The following ZNF324B variants were observed in gnomAD, a reference collection of about 807,000 sequenced individuals.
The protein encoded by ZNF324B is zinc finger protein 324B.
ZNF324B carries 7 observed loss-of-function variants against 10.6 expected under a neutral mutation model. The observed-to-expected ratio is 0.66, with a 90% confidence interval of 0.38 to 1.24. ZNF324B has a LOEUF of 1.24. Among genes scored for constraint, ZNF324B ranks in the 50% most tolerant of loss-of-function variants. ZNF324B has a pLI of 0.02. For missense variants in ZNF324B, 640 were observed against 764.7 expected, an observed-to-expected ratio of 0.84 and a Z score of 1.92; for synonymous variants, 316 against 321.0, an observed-to-expected ratio of 0.98 and a Z score of 0.17.
At chr19:58,423,058 A>G in the ZNF324B span, among the ~76,000 whole-genome samples, 1 of 152,072 alleles carries the variant, frequency 6.6e-6, no homozygotes, top group African/African-American at 2.4e-5. Context: ...TTTAGTAGAG[A>G]CAGGGTTTCA....
chr19:58,440,409 G>T, the ZNF324B span: 5 of 154,374 alleles, frequency 3.2e-5, no homozygotes, highest in African/African-American at 1.2e-4. Flanking sequence ...GGCACTTCCG[G>T]GCGGAGTGTA....
the ZNF324B span, among the ~76,000 whole-genome samples, chr19:58,436,680 A>G: frequency 9.6e-6 from 1 of 104,634 alleles, no homozygotes; most frequent in African/African-American, 3.0e-5. Context: ...AAAAAAAAAA[A>G]AAAAAAAAAA....
At chr19:58,446,663 G>A (rs536041807), upstream of ZNF324B, among the ~76,000 whole-genome samples, 11 of 133,244 alleles carry the variant, frequency 8.3e-5, no homozygotes, top group Middle Eastern at 4.6e-3. Context: ...TGCAACCTCC[G>A]CCTCCCGGGT....
chr19:58,422,398 G>A, the ZNF324B span, among the ~76,000 whole-genome samples: 1 of 152,118 alleles, frequency 6.6e-6, no homozygotes. Flanking sequence ...ATTCAACATA[G>A]TACTAGATGT....
chr19:58,435,328 G>A, the ZNF324B span: 9 of 1,120,836 alleles, frequency 8.0e-6, no homozygotes, highest in Non-Finnish European at 1.0e-5. Flanking sequence ...ATTGCTGACA[G>A]GCCAACAGGG....
the ZNF324B span, chr19:58,437,713 G>A: frequency 1.0e-6 from 1 of 985,116 alleles, no homozygotes; most frequent in African/African-American, 1.7e-5. Context: ...ATCTCACCAT[G>A]CACATGGCAT....
Position 58,456,540 on chromosome 19 carries a change from AGG to A in ZNF324B, c.1598_1599del (p.Gly533GlufsTer26). The A allele has an allele frequency of 1.2e-6, 2 of 1,614,004 alleles. No individual in the cohort carries two copies. The highest frequency in any genetic ancestry group is 1.7e-6 in the Non-Finnish European group (2 of 1,179,976). ...QGHHRKVRRG[G>X]KPSPVLKPAK... ...GACATCATCGGAAGGTGCGCCGGGGAGGGAAGCCAAGCCCAGTCCTGAAGCCA... is the reference window on the plus strand; with the variant it reads ...GACATCATCGGAAGGTGCGCCGGGGAGAAGCCAAGCCCAGTCCTGAAGCCA... On this transcript the variant is annotated frameshift_variant, in exon 4 of 4. Coordinates refer to ENST00000336614, the MANE Select transcript of ZNF324B (RefSeq NM_207395.3). LOFTEE classifies it low-confidence loss of function (END_TRUNC). The surrounding 1 kb of genome is among the most constrained non-coding windows in gnomAD (Gnocchi z 4.7).
the ZNF324B span, among the ~76,000 whole-genome samples, chr19:58,446,246 A>G: frequency 2.3e-4 from 35 of 152,242 alleles, no homozygotes; most frequent in African/African-American, 8.4e-4. Flanking sequence ...ATGGCCCTGC[A>G]TGTGGAGAAG....
the ZNF324B span, among the ~76,000 whole-genome samples, chr19:58,422,938 G>C: frequency 0.49 from 74,251 of 150,726 alleles, 18,471 homozygotes; most frequent in African/African-American, 0.57. Context: ...GGCACGATCT[G>C]GGCTCACTAC....
At chr19:58,437,211 G>A in the ZNF324B span, 1 of 1,589,750 alleles carries the variant, frequency 6.3e-7, no homozygotes, top group Non-Finnish European at 8.6e-7. Flanking sequence ...GGGCCAAGAA[G>A]TATGCTGACA....
chr19:58,456,080 G>A lies in ZNF324B; in HGVS notation c.1136G>A (p.Cys379Tyr). The A allele has an allele frequency of 6.2e-7, 1 of 1,612,080 alleles. No homozygotes were observed. Among genetic ancestry groups the A allele is most frequent in the Non-Finnish European group, 8.5e-7 (1 of 1,179,904 alleles). ...TGCGCACAGTGTGGCCGCCGCTTCT[G>A]CCGCAACTCGCACCTGATCCAGCAC... is the stretch of plus-strand genomic sequence containing the variant. ...YACAQCGRRF[C>Y]RNSHLIQHER... The change falls in exon 4 of 4, where the codon TGC becomes TAC. Residue 379 changes from cysteine to tyrosine, a missense_variant. Coordinates refer to ENST00000336614, the MANE Select transcript of ZNF324B (RefSeq NM_207395.3). This position sits in a 1 kb window ranked among gnomAD's most constrained non-coding sequence, Gnocchi z 4.7.
the ZNF324B span, chr19:58,428,566 TTC>T: frequency 6.6e-6 from 1 of 152,214 alleles, no homozygotes; most frequent in African/African-American, 2.4e-5. Context: ...AGACCATGAT[TTC>T]TGTCTTCTCT....
rs758507807 is a variant in ZNF324B at position 58,456,569 on chromosome 19, C to G, written c.1625C>G (p.Ala542Gly). 14 of 1,613,318 alleles carry G rather than the reference C, an allele frequency of 8.7e-6. No individual in the cohort carries two copies. Among genetic ancestry groups the G allele is most frequent in the Non-Finnish European group, 9.3e-6 (11 of 1,179,590 alleles). ...GGKPSPVLKP[A>G]KV ...AAGCCAAGCCCAGTCCTGAAGCCAG[C>G]GAAGGTCTGAGGTCACAGGTCGCAG... The change falls in exon 4 of 4, where the codon GCG (alanine) becomes GGG (glycine). Residue 542 changes from alanine (A) to glycine (G), a missense_variant. Around this residue, in one of 3 missense-constraint regions of ZNF324B, gnomAD observed 238 missense variants for 258.0 expected, o/e 0.92. Coordinates refer to ENST00000336614, the MANE Select transcript of ZNF324B (RefSeq NM_207395.3). This position sits in a 1 kb window ranked among gnomAD's most constrained non-coding sequence, Gnocchi z 4.7.
At chr19:58,437,435 G>A in the ZNF324B span, among the ~76,000 whole-genome samples, 2 of 152,152 alleles carry the variant, frequency 1.3e-5, no homozygotes, top group Non-Finnish European at 2.9e-5. Flanking sequence ...ACTGGTCACT[G>A]TATCCAGGCC....
At chr19:58,422,306 A>T in the ZNF324B span, among the ~76,000 whole-genome samples, 1 of 152,214 alleles carries the variant, frequency 6.6e-6, no homozygotes, top group Non-Finnish European at 1.5e-5. Flanking sequence ...CCCACAGCTA[A>T]CATCTTACTG....
At chr19:58,434,901 C>T in the ZNF324B span, 1 of 1,614,172 alleles carries the variant, frequency 6.2e-7, no homozygotes, top group Non-Finnish European at 8.5e-7. Context: ...CTTTAGAGCT[C>T]TTCATAAGTG....
chr19:58,425,341 A>C, the ZNF324B span, among the ~76,000 whole-genome samples: 6 of 151,162 alleles, frequency 4.0e-5, no homozygotes, highest in African/African-American at 4.9e-5. Context: ...GCCTTGGCCT[A>C]CCAAAGTGCT....
the ZNF324B span, chr19:58,433,915 G>C: frequency 2.2e-5 from 36 of 1,614,052 alleles, no homozygotes; most frequent in Non-Finnish European, 3.0e-5. Flanking sequence ...CCTTTGCCCA[G>C]TATGTACTTT....
the ZNF324B span, among the ~76,000 whole-genome samples, chr19:58,422,185 G>A: frequency 6.6e-6 from 1 of 152,104 alleles, no homozygotes; most frequent in Non-Finnish European, 1.5e-5. Flanking sequence ...CTAACATGCT[G>A]GGATTACAGG....
Sources: gnomAD v4.1 joint callset for allele counts (sites outside exome capture counted in the v4.1 genomes callset) on GRCh38, gnomAD v4.1.1 for gene constraint, gnomAD v4.1.1 regional missense constraint, Gnocchi (gnomAD v3.1) non-coding constraint, MANE v1.5 for transcripts, NCBI Gene and HGNC (gene_info 2026-07-23, HGNC 2026-07-21) for gene names.